COL4A4: variants seen among roughly 807,000 people sequenced by gnomAD.
COL4A4 encodes the protein collagen type IV alpha 4 chain, also known as collagen alpha-4(IV) chain.
A neutral mutation model predicts 192.9 loss-of-function variants in COL4A4; 105 were observed. The observed-to-expected ratio is 0.54, with a 90% CI of 0.46 to 0.64. The LOEUF (loss-of-function observed/expected upper bound fraction) is 0.64. COL4A4 is among the 30% of genes least tolerant of loss of function. The probability of loss-of-function intolerance (pLI) is 0.00; values close to 1 mark genes in which losing one functional copy is unlikely to be tolerated. For synonymous variants in COL4A4, 762 were observed against 769.9 expected (o/e 0.99, Z 0.17); for missense variants, 1,967 against 2,169.3 (o/e 0.91, Z 1.85).
At chr2:227,154,614 C>T (rs924913313) in intron 1 of COL4A4, among the ~76,000 whole-genome samples, 13 of 152,178 alleles carry the variant, frequency 8.5e-5, no homozygotes, top group Admixed American at 2.0e-4. Context: ...TTTGGCCTTT[C>T]GACACTGAGC....
chr2:227,104,138 C>A, intron 12 of COL4A4, 86 bp from the exon 13 acceptor site: 2 of 1,045,066 alleles, frequency 1.9e-6, no homozygotes, highest in Non-Finnish European at 3.0e-6. Flanking sequence ...ATAATGCTTC[C>A]AATCCTATGT....
intron 34 of COL4A4, among the ~76,000 whole-genome samples, 172 bp downstream of exon 34, chr2:227,049,896 G>A (rs1291422153): frequency 6.6e-6 from 1 of 152,232 alleles, no homozygotes; most frequent in African/African-American, 2.4e-5. Flanking sequence ...GGATCTGAGT[G>A]ACAACTGTAG....
intron 4 of COL4A4, among the ~76,000 whole-genome samples, chr2:227,134,302 C>T (rs1319705416): frequency 6.6e-6 from 1 of 152,098 alleles, no homozygotes; most frequent in Non-Finnish European, 1.5e-5. Flanking sequence ...AGGGAATTCT[C>T]CAGTAGTAAC....
chr2:227,021,348 C>T (rs867645988), intron 44 of COL4A4, among the ~76,000 whole-genome samples: 9 of 152,158 alleles, frequency 5.9e-5, no homozygotes, highest in African/African-American at 1.9e-4. Flanking sequence ...GCTCCTACTT[C>T]CTTCTTGCAG....
intron 20 of COL4A4, 88 bp downstream of exon 20, chr2:227,094,037 A>C: frequency 7.7e-7 from 1 of 1,304,358 alleles, no homozygotes; most frequent in Non-Finnish European, 1.1e-6. Flanking sequence ...TAACTTTTAA[A>C]ATATTTTAAA....
At chr2:227,055,314 A>G (rs990974001) in intron 30 of COL4A4, among the ~76,000 whole-genome samples, 1 of 150,266 alleles carries the variant, frequency 6.7e-6, no homozygotes, top group Non-Finnish European at 1.5e-5. Flanking sequence ...GGATTTCAAG[A>G]TCAGCCTGGC....
At chr2:227,073,742 A>G (rs982028792) in intron 25 of COL4A4, among the ~76,000 whole-genome samples, 5 of 152,052 alleles carry the variant, frequency 3.3e-5, no homozygotes, top group Non-Finnish European at 5.9e-5. Context: ...AACAAAGCCA[A>G]ATATCTACAG....
At chr2:227,039,141 A>C (rs776645933) in intron 37 of COL4A4, among the ~76,000 whole-genome samples, 9 of 152,052 alleles carry the variant, frequency 5.9e-5, no homozygotes, top group Non-Finnish European at 8.8e-5. Flanking sequence ...TTTGTTATGG[A>C]TCAAATTTAT....
chr2:227,108,748 G>A, intron 11 of COL4A4, 85 bp downstream of exon 11: 1 of 1,527,548 alleles, frequency 6.5e-7, no homozygotes, highest in South Asian at 1.1e-5. Context: ...CTGATAAGAG[G>A]AAAGCCATCA....
At chr2:227,148,704 TCTTTA>T (rs1380338815) in intron 1 of COL4A4, among the ~76,000 whole-genome samples, 6 of 152,074 alleles carry the variant, frequency 3.9e-5, no homozygotes, top group African/African-American at 7.2e-5. Flanking sequence ...CTCGAAGAAG[TCTTTA>T]CTTTGATAAA....
chr2:227,134,950 AG>A (rs2062715841), intron 4 of COL4A4, among the ~76,000 whole-genome samples: 1 of 152,240 alleles, frequency 6.6e-6, no homozygotes, highest in African/African-American at 2.4e-5. Context: ...TTGTTACTAA[AG>A]TATAACTTAT....
At chr2:227,160,478 G>A (rs1056680208) in intron 1 of COL4A4, among the ~76,000 whole-genome samples, 2 of 152,068 alleles carry the variant, frequency 1.3e-5, no homozygotes, top group Non-Finnish European at 2.9e-5. Flanking sequence ...CCCCTTCTGA[G>A]GTGATTAGAG....
intron 4 of COL4A4, among the ~76,000 whole-genome samples, chr2:227,121,905 G>A (rs537738029): frequency 2.0e-5 from 3 of 152,112 alleles, no homozygotes; most frequent in Non-Finnish European, 2.9e-5. Flanking sequence ...CTTTATGTTC[G>A]TGACACAAAT....
intron 35 of COL4A4, among the ~76,000 whole-genome samples, chr2:227,045,957 A>G (rs1470099654): frequency 1.1e-5 from 1 of 89,676 alleles, no homozygotes; most frequent in Non-Finnish European, 2.1e-5. Flanking sequence ...ATATGTATAT[A>G]TGTATATATT....
rs929140799 is a variant in COL4A4 at position 227,069,405 on chromosome 2, C to T, written c.1988-6807G>A. On this transcript the variant is annotated intron_variant, in intron 25 of 47. Coordinates refer to ENST00000396625, the MANE Select transcript of COL4A4 (RefSeq NM_000092.5). Reference sequence around the variant, plus strand: ...TATGGAACCAAAAAAGAGCCGGCATCGCCAAGTCAATCCTAAGCCAAAAGA... The same window carrying T: ...TATGGAACCAAAAAAGAGCCGGCATTGCCAAGTCAATCCTAAGCCAAAAGA... 5.9e-5 allele frequency among the ~76,000 whole-genome samples: 9 copies of T among 152,228 alleles called. No individual in the cohort carries two copies. The East Asian group carries it at 7.7e-4, about 13-fold the overall frequency.
At chr2:226,986,803 C>T in the COL4A4 span, among the ~76,000 whole-genome samples, 10 of 152,272 alleles carry the variant, frequency 6.6e-5, no homozygotes, top group East Asian at 1.9e-3. Context: ...CTGGAAATAC[C>T]ATTTGACTCA....
At chr2:227,126,708 C>T (rs1559691063) in intron 4 of COL4A4, among the ~76,000 whole-genome samples, 1 of 152,194 alleles carries the variant, frequency 6.6e-6, no homozygotes, top group Non-Finnish European at 1.5e-5. Flanking sequence ...CAAAATCTGT[C>T]AGAAAGCTGC....
chr2:226,990,194 G>GT, the COL4A4 span, among the ~76,000 whole-genome samples: 2 of 152,178 alleles, frequency 1.3e-5, no homozygotes, highest in East Asian at 3.8e-4. Context: ...TAGACCTGGG[G>GT]TCCCTTCAGG....
At chr2:227,098,124 C>G (rs762854184) in intron 19 of COL4A4, among the ~76,000 whole-genome samples, 20 of 152,078 alleles carry the variant, frequency 1.3e-4, no homozygotes, top group Non-Finnish European at 2.5e-4. Context: ...GGGAAGAAGA[C>G]TTTTTTAAAG....
Sources: allele counts gnomAD v4.1 joint callset (sites outside exome capture counted in the v4.1 genomes callset), GRCh38; gene constraint gnomAD v4.1.1; transcripts MANE v1.5; gene names NCBI Gene and HGNC (gene_info 2026-07-23, HGNC 2026-07-21).